Variants in SLC12A2 observed in about 807,000 individuals in gnomAD.
SLC12A2 encodes the protein solute carrier family 12 member 2, also known as Na-K-2Cl cotransporter 1.
Under a neutral mutation model 136.3 loss-of-function variants are expected in SLC12A2, and 67 were observed. That is an observed-to-expected ratio of 0.49 (90% CI 0.40 to 0.60). The LOEUF is 0.60. Among genes scored for constraint, SLC12A2 ranks in the 20% least tolerant of loss-of-function variants. SLC12A2 has a pLI of 0.00. For missense variants in SLC12A2, 1,322 were observed against 1,534.7 expected (o/e 0.86, Z 2.32); for synonymous variants, 619 against 562.9 (o/e 1.10, Z -1.41).
rs1285153933 is a variant in SLC12A2, at chr5:128,083,888, G to A, written c.-67G>A. The stretch of plus-strand genomic sequence containing the variant: ...TGCGGCTGTGGCCACCGCCGGCCAG[G>A]GGTGTGGAGGGCGTGCTGCCGGAGA... On this transcript the variant is annotated 5_prime_UTR_variant, in exon 1 of 27. Coordinates refer to ENST00000262461, the MANE Select transcript of SLC12A2 (RefSeq NM_001046.3). The A allele has an allele frequency of 1.7e-6, 2 of 1,143,170 alleles. No homozygotes were observed. Among genetic ancestry groups the A allele is most frequent in the Non-Finnish European group, 2.2e-6 (2 of 912,250 alleles). 70.8% of individuals were successfully genotyped at this position (1,143,170 alleles called of 1,614,324 possible). A position where few individuals can be genotyped will look rare whatever the true frequency, so the allele number is the denominator to read the frequency against.
chr5:128,098,234 G>C (rs778580880), intron 1 of SLC12A2, among the ~76,000 whole-genome samples: 6 of 151,884 alleles, frequency 4.0e-5, no homozygotes. Context: ...CTGCTATTAA[G>C]TCCACCTAGG....
chr5:128,096,389 T>C (rs572152844), intron 1 of SLC12A2, among the ~76,000 whole-genome samples: 1 of 152,226 alleles, frequency 6.6e-6, no homozygotes, highest in South Asian at 2.1e-4. Flanking sequence ...GGTCTAGATA[T>C]TAACCTCTTT....
intron 10 of SLC12A2, among the ~76,000 whole-genome samples, chr5:128,147,116 A>G (rs1306124043): frequency 6.7e-6 from 1 of 149,196 alleles, no homozygotes; most frequent in Non-Finnish European, 1.5e-5. Context: ...TGATTTGAAC[A>G]GACTATTTTT....
At chr5:128,126,966 A>ATATATATATATATATAATTTTTT in intron 4 of SLC12A2, among the ~76,000 whole-genome samples, 3 of 21,158 alleles carry the variant, frequency 1.4e-4, no homozygotes, top group African/African-American at 7.4e-4. Context: ...ATATATATAT[A>ATATATATATATATATAATTTTTT]TTTTTTTTTT....
In SLC12A2 at chr5:128,165,930, C is replaced by T. The variant is rs1313775071; in HGVS notation, c.2617-1831C>T. Among the ~76,000 whole-genome samples, 58 of 145,858 alleles carry T rather than the reference C, an allele frequency of 4.0e-4. No individual in the cohort carries two copies. In the East Asian group the frequency reaches 0.01, roughly 26 times the overall value. On this transcript the variant is annotated intron_variant, in intron 17 of 26. Coordinates refer to ENST00000262461, the MANE Select transcript of SLC12A2 (RefSeq NM_001046.3). Reference sequence around the variant, plus strand: ...GTTTTCTTTTACCTCCCCCCCCCCCCCCCAGTTAAAAATATGCTGTGTGGT... The same window carrying T: ...GTTTTCTTTTACCTCCCCCCCCCCCTCCCAGTTAAAAATATGCTGTGTGGT...
At chr5:128,089,963 A>G (rs192022039) in intron 1 of SLC12A2, among the ~76,000 whole-genome samples, 11 of 152,332 alleles carry the variant, frequency 7.2e-5, no homozygotes, top group Admixed American at 1.3e-4. Context: ...AGTAGTGTCC[A>G]GAACTGGGTA....
rs761985932 is a variant in SLC12A2 at position 128,134,303 on chromosome 5, T to TA, written c.1299+29dup. 26 of 1,101,812 alleles carry TA rather than the reference T, an allele frequency of 2.4e-5. No homozygotes were observed. The South Asian group carries it at 3.0e-4, about 13-fold the overall frequency. The allele number at this position is 1,101,812 out of a possible 1,614,324, so 68.3% of individuals were successfully genotyped here. A position where few individuals can be genotyped will look rare whatever the true frequency, so the allele number is the denominator to read the frequency against. On this transcript the variant is annotated intron_variant, in intron 6 of 26. Transcript: ENST00000262461. Reference sequence around the variant, plus strand: ...AAGTTATGATAGGAACACCTGTAAATATTTAATACGTAAACTTTTAGAGCT... The same window carrying TA: ...AAGTTATGATAGGAACACCTGTAAATAATTTAATACGTAAACTTTTAGAGCT...
intron 10 of SLC12A2, among the ~76,000 whole-genome samples, chr5:128,142,857 T>C (rs1183836005): frequency 6.6e-6 from 1 of 152,218 alleles, no homozygotes; most frequent in Non-Finnish European, 1.5e-5. Context: ...TTTTAATTAA[T>C]TAATTTACTT....
intron 1 of SLC12A2, among the ~76,000 whole-genome samples, chr5:128,106,208 T>C (rs1760928830): frequency 6.6e-6 from 1 of 152,216 alleles, no homozygotes; most frequent in South Asian, 2.1e-4. Context: ...ATTTCTACTT[T>C]TTATCCATTA....
At position 128,178,595 on chromosome 5, in the gene SLC12A2, T is replaced by C; in HGVS notation, c.3006T>C (p.Asn1002=). 1 of 1,599,114 alleles carries C rather than the reference T, an allele frequency of 6.3e-7. No homozygotes were observed. The highest frequency in any genetic ancestry group is 8.5e-7 in the Non-Finnish European group (1 of 1,173,700). ...CCAAAGGCCCTATTGTGCCTTTAAA[T>C]GTAGCTGACCAAAAGCTTCTTGAAG... ...KESKGPIVPL[N]VADQKLLEAS... The change falls in exon 22 of 27, where the codon AAT becomes AAC. Residue 1002 remains asparagine, a synonymous_variant. Transcript: ENST00000262461.
Position 128,174,624 on chromosome 5 carries a change from G to A in SLC12A2, c.2887G>A (p.Asp963Asn). ...SVEYSKKSDL[D>N]TSKPLSEKPI... Reference sequence around the variant, plus strand: ...GGAATATAGTAAAAAGTCCGATTTAGATACTTCCAAACCACTCAGTGAAAA... The same window carrying A: ...GGAATATAGTAAAAAGTCCGATTTAAATACTTCCAAACCACTCAGTGAAAA... Residue 963 changes from aspartate to asparagine, a missense_variant, in exon 20 of 27, where the codon GAT (aspartate) becomes AAT (asparagine). Transcript: ENST00000262461. 5 of 1,609,010 alleles carry A rather than the reference G, an allele frequency of 3.1e-6. No homozygotes were observed. Among genetic ancestry groups the A allele is most frequent in the Non-Finnish European group, 4.2e-6 (5 of 1,177,234 alleles).
intron 1 of SLC12A2, among the ~76,000 whole-genome samples, chr5:128,086,756 T>C (rs55707782): frequency 6.6e-6 from 1 of 152,282 alleles, no homozygotes; most frequent in African/African-American, 2.4e-5. Flanking sequence ...GGGTGTTAAG[T>C]AGTACAAATA....
chr5:128,095,610 G>A (rs550331049), intron 1 of SLC12A2, among the ~76,000 whole-genome samples: 1 of 152,094 alleles, frequency 6.6e-6, no homozygotes, highest in South Asian at 2.1e-4. Flanking sequence ...GGCCACATGT[G>A]GCCCAGGACA....
At chr5:128,135,474 C>G (rs1011642256) in intron 6 of SLC12A2, among the ~76,000 whole-genome samples, 1 of 151,988 alleles carries the variant, frequency 6.6e-6, no homozygotes, top group Non-Finnish European at 1.5e-5. Context: ...CATGATCTCA[C>G]TTTTACTATC....
rs969735391 is a variant in SLC12A2, at chr5:128,187,515, A to AT, written c.*889dup. 5 of 152,208 alleles carry AT rather than the reference A, an allele frequency of 3.3e-5. No homozygotes were observed. The highest frequency in any genetic ancestry group is 3.3e-4 in the Admixed American group (5 of 15,296). 9.4% of individuals were successfully genotyped at this position (152,208 alleles called of 1,614,324 possible). A position where few individuals can be genotyped will look rare whatever the true frequency, so the allele number is the denominator to read the frequency against. Reference sequence around the variant, plus strand: ...AGGGACTTTTAAGAAATGCTAACAGATTTTTCTGGAGGAAATTTAGACAAA... The same window carrying AT: ...AGGGACTTTTAAGAAATGCTAACAGATTTTTTCTGGAGGAAATTTAGACAAA... On this transcript the variant is annotated 3_prime_UTR_variant, in exon 27 of 27. Coordinates refer to ENST00000262461, the MANE Select transcript of SLC12A2 (RefSeq NM_001046.3).
At chr5:128,142,810 C>T (rs1762416075) in intron 10 of SLC12A2, among the ~76,000 whole-genome samples, 2 of 151,936 alleles carry the variant, frequency 1.3e-5, no homozygotes. Flanking sequence ...TTGGTCTTTC[C>T]ATATAAAAAT....
chr5:128,095,707 T>C (rs968951319), intron 1 of SLC12A2, among the ~76,000 whole-genome samples: 5 of 152,168 alleles, frequency 3.3e-5, no homozygotes, highest in African/African-American at 9.7e-5. Context: ...ACTCATTAGC[T>C]ATTATTAATG....
At chr5:128,112,781 T>G (rs1761200936) in intron 1 of SLC12A2, 33 bp from the exon 2 acceptor site, 6 of 1,542,034 alleles carry the variant, frequency 3.9e-6, no homozygotes, top group Non-Finnish European at 5.3e-6. Flanking sequence ...ATTTTAAATG[T>G]TAAGCATAAT....
Position 128,188,276 on chromosome 5 carries a change from G to T in SLC12A2, c.*1645G>T, listed in dbSNP as rs1249265317. The T allele has an allele frequency of 3.4e-5, 5 of 145,898 alleles. No homozygotes were observed. The highest frequency in any genetic ancestry group is 1.3e-4 in the African/African-American group (5 of 39,102). 9.0% of individuals were successfully genotyped at this position (145,898 alleles called of 1,614,324 possible). On this transcript the variant is annotated 3_prime_UTR_variant, in exon 27 of 27. Coordinates refer to ENST00000262461, the MANE Select transcript of SLC12A2 (RefSeq NM_001046.3). ...TTTCTGTGGTGGAAAATTTATGCAGGTTTTCACGAATCCTTTTTTTTTTTT... is the reference window on the plus strand; with the variant it reads ...TTTCTGTGGTGGAAAATTTATGCAGTTTTTCACGAATCCTTTTTTTTTTTT...
Sources: allele counts gnomAD v4.1 joint callset (sites outside exome capture counted in the v4.1 genomes callset), GRCh38; gene constraint gnomAD v4.1.1; transcripts MANE v1.5; gene names NCBI Gene and HGNC (gene_info 2026-07-23, HGNC 2026-07-21).